CLSTN2: variants seen among roughly 807,000 people sequenced by gnomAD.
CLSTN2 encodes calsyntenin 2, also known as calsyntenin-2.
CLSTN2 carries 48 observed loss-of-function variants against 101.2 expected under a neutral mutation model. That is an observed-to-expected ratio of 0.47 (90% CI 0.38 to 0.60). The LOEUF is 0.60. Among genes scored for constraint, CLSTN2 ranks in the 20% least tolerant of loss-of-function variants. The probability of loss-of-function intolerance (pLI) is 0.00; values close to 1 mark genes in which losing one functional copy is unlikely to be tolerated. For synonymous variants in CLSTN2, 481 were observed against 463.6 expected, an observed-to-expected ratio of 1.04 and a Z score of -0.48; for missense variants, 1,160 against 1,238.2, an observed-to-expected ratio of 0.94 and a Z score of 0.95.
intron 8 of CLSTN2, among the ~76,000 whole-genome samples, chr3:140,484,726 A>G (rs1934201544): frequency 6.6e-6 from 1 of 152,100 alleles, no homozygotes; most frequent in Non-Finnish European, 1.5e-5. Context: ...TCCATCACTG[A>G]TACCCTTTCT....
At chr3:139,943,778 T>C (rs750129921) in intron 1 of CLSTN2, among the ~76,000 whole-genome samples, 6 of 151,996 alleles carry the variant, frequency 3.9e-5, no homozygotes, top group Non-Finnish European at 8.8e-5. Context: ...ACCTCCAACC[T>C]CTCCCATCCC....
At chr3:140,551,024 A>G (rs1407140963) in intron 10 of CLSTN2, among the ~76,000 whole-genome samples, 4 of 152,062 alleles carry the variant, frequency 2.6e-5, no homozygotes, top group African/African-American at 9.7e-5. Flanking sequence ...CTCACAACAA[A>G]TTAAATACTA....
chr3:140,385,297 C>G (rs2088037415), intron 2 of CLSTN2, among the ~76,000 whole-genome samples: 1 of 150,170 alleles, frequency 6.7e-6, no homozygotes. Context: ...GGCTCACTCT[C>G]ATGATGGCTC....
intron 1 of CLSTN2, among the ~76,000 whole-genome samples, chr3:140,128,746 T>C (rs765045726): frequency 6.6e-6 from 1 of 152,148 alleles, no homozygotes; most frequent in Non-Finnish European, 1.5e-5. Flanking sequence ...TCTCTGTTGC[T>C]GAACCCAGCC....
At chr3:140,022,200 T>A (rs1204996387) in intron 1 of CLSTN2, among the ~76,000 whole-genome samples, 1 of 152,160 alleles carries the variant, frequency 6.6e-6, no homozygotes, top group African/African-American at 2.4e-5. Context: ...CCTCAGCTGC[T>A]CTCTGCATGG....
At chr3:140,058,683 G>A (rs963702270) in intron 1 of CLSTN2, among the ~76,000 whole-genome samples, 1 of 152,064 alleles carries the variant, frequency 6.6e-6, no homozygotes, top group Non-Finnish European at 1.5e-5. Flanking sequence ...ACTAAGCATT[G>A]TAGAACAGAG....
At chr3:140,422,411 A>G (rs2088516521) in intron 5 of CLSTN2, among the ~76,000 whole-genome samples, 1 of 152,114 alleles carries the variant, frequency 6.6e-6, no homozygotes, top group African/African-American at 2.4e-5. Context: ...CAAAGTAAGG[A>G]CACCTGTTTC....
intron 5 of CLSTN2, among the ~76,000 whole-genome samples, chr3:140,427,184 AATATATATATATATATATATGTGT>A: frequency 1.1e-5 from 1 of 94,202 alleles, no homozygotes; most frequent in Non-Finnish European, 1.8e-5. Context: ...AAAAAAAAAA[AATATATATATATATATATATGTGT>A]ATATATATAT....
At chr3:140,027,022 C>T in intron 1 of CLSTN2, among the ~76,000 whole-genome samples, 1 of 152,196 alleles carries the variant, frequency 6.6e-6, no homozygotes, top group East Asian at 1.9e-4. Flanking sequence ...AGACTTGGGG[C>T]TGGTGGTGAG....
chr3:140,418,663 G>A (rs1388658048), intron 4 of CLSTN2, among the ~76,000 whole-genome samples: 1 of 151,814 alleles, frequency 6.6e-6, no homozygotes, highest in Non-Finnish European at 1.5e-5. Flanking sequence ...GATTACAGGT[G>A]CCTGCCACCA....
chr3:140,218,907 T>C (rs957543120), intron 2 of CLSTN2, among the ~76,000 whole-genome samples: 2 of 152,096 alleles, frequency 1.3e-5, no homozygotes, highest in African/African-American at 4.8e-5. Flanking sequence ...TAAAAAGTGG[T>C]AGACAGACAG....
chr3:140,057,995 G>A (rs1433571458), intron 1 of CLSTN2, among the ~76,000 whole-genome samples: 3 of 152,162 alleles, frequency 2.0e-5, no homozygotes, highest in Admixed American at 2.0e-4. Flanking sequence ...TTCACGCTCT[G>A]CAAGGCCTTA....
chr3:139,945,717 C>G (rs1446986920), intron 1 of CLSTN2, among the ~76,000 whole-genome samples: 2 of 152,140 alleles, frequency 1.3e-5, no homozygotes, highest in African/African-American at 4.8e-5. Context: ...TGCATTGCAG[C>G]AGATTAATTA....
At chr3:140,133,869 T>A (rs1234818841) in intron 1 of CLSTN2, among the ~76,000 whole-genome samples, 1 of 152,158 alleles carries the variant, frequency 6.6e-6, no homozygotes, top group Non-Finnish European at 1.5e-5. Context: ...ATGGAGAAAC[T>A]TGCTGTAATT....
At chr3:140,565,373 C>T (rs1936006185) in intron 16 of CLSTN2, among the ~76,000 whole-genome samples, 1 of 151,998 alleles carries the variant, frequency 6.6e-6, no homozygotes, top group Non-Finnish European at 1.5e-5. Flanking sequence ...CAAGGAGAAA[C>T]AACTTTTATG....
At chr3:140,482,260 T>G (rs1934133744) in intron 8 of CLSTN2, among the ~76,000 whole-genome samples, 1 of 152,210 alleles carries the variant, frequency 6.6e-6, no homozygotes, top group Admixed American at 6.6e-5. Flanking sequence ...TTTATGATTT[T>G]CGTATGTTGA....
intron 1 of CLSTN2, among the ~76,000 whole-genome samples, chr3:140,086,391 T>C (rs973169495): frequency 6.6e-6 from 1 of 152,168 alleles, no homozygotes; most frequent in African/African-American, 2.4e-5. Context: ...ATTAGACAAA[T>C]GACTTAAACC....
At chr3:140,074,075 C>T (rs1576417668) in intron 1 of CLSTN2, among the ~76,000 whole-genome samples, 1 of 152,326 alleles carries the variant, frequency 6.6e-6, no homozygotes, top group Admixed American at 6.5e-5. Context: ...CTACTGTGCA[C>T]ACCAGCACCC....
chr3:140,311,604 C>A (rs952111285), intron 2 of CLSTN2, among the ~76,000 whole-genome samples: 2 of 151,762 alleles, frequency 1.3e-5, no homozygotes, highest in African/African-American at 4.8e-5. Context: ...CCGCGCCCGG[C>A]CAGATTTATG....
Sources: gnomAD v4.1 joint callset for allele counts (sites outside exome capture counted in the v4.1 genomes callset) on GRCh38, gnomAD v4.1.1 for gene constraint, MANE v1.5 for transcripts, NCBI Gene and HGNC (gene_info 2026-07-23, HGNC 2026-07-21) for gene names.